Variants in SEC63 observed in about 807,000 individuals in gnomAD.
SEC63 encodes translocation protein SEC63 homolog.
SEC63 carries 56 observed loss-of-function variants against 116.2 expected under a neutral mutation model. The ratio of observed to expected loss-of-function variants is 0.48; its 90% confidence interval spans 0.39 to 0.60. The LOEUF is 0.60. Among genes scored for constraint, SEC63 ranks in the 20% least tolerant of loss-of-function variants. The pLI is 0.00. For synonymous variants in SEC63, 273 were observed against 294.6 expected, an observed-to-expected ratio of 0.93 and a Z score of 0.75; for missense variants, 668 against 900.0, an observed-to-expected ratio of 0.74 and a Z score of 3.30.
At position 107,921,880 on chromosome 6, in the gene SEC63, T is replaced by C. The variant is rs1251274774; in HGVS notation, c.369A>G (p.Gln123=). 3.1e-6 allele frequency: 5 copies of C among 1,611,100 alleles called. No individual in the cohort carries two copies. The highest frequency in any genetic ancestry group is 2.7e-5 in the African/African-American group (2 of 74,288). ...PGATVAEIKK[Q]YRLLSLKYHP... The stretch of plus-strand genomic sequence containing the variant: ...GATATTTAAGTGACAGCAAACGATA[T>C]TGTTTTTTAATTTCTGCTACTGTGG... Residue 123 remains glutamine, a synonymous_variant, in exon 4 of 21, where the codon CAA becomes CAG. Coordinates refer to ENST00000369002, the MANE Select transcript of SEC63 (RefSeq NM_007214.5).
intron 16 of SEC63, among the ~76,000 whole-genome samples, chr6:107,886,915 T>C (rs1296331905): frequency 1.3e-5 from 2 of 152,178 alleles, no homozygotes; most frequent in South Asian, 2.1e-4. Context: ...ATTTTGGCTT[T>C]TGTTGCCATT....
chr6:107,908,110 A>C (rs1263175590), intron 8 of SEC63, among the ~76,000 whole-genome samples: 1 of 152,234 alleles, frequency 6.6e-6, no homozygotes, highest in Non-Finnish European at 1.5e-5. Context: ...AGTCTCTCTC[A>C]TTACTAAGAA....
intron 16 of SEC63, among the ~76,000 whole-genome samples, chr6:107,891,001 A>AT (rs1786667931): frequency 6.6e-6 from 1 of 151,748 alleles, no homozygotes; most frequent in Non-Finnish European, 1.5e-5. Context: ...TCCCTTTAAC[A>AT]TTTTTTCCTT....
chr6:107,916,664 A>G (rs1787406877), intron 4 of SEC63, among the ~76,000 whole-genome samples: 1 of 152,176 alleles, frequency 6.6e-6, no homozygotes, highest in African/African-American at 2.4e-5. Flanking sequence ...TCCCTCTCTC[A>G]CATTTTGGTA....
intron 19 of SEC63, among the ~76,000 whole-genome samples, chr6:107,876,337 G>A (rs1238062726): frequency 2.6e-5 from 4 of 152,114 alleles, no homozygotes; most frequent in African/African-American, 9.7e-5. Context: ...CCCAAAACAA[G>A]CTGAGAACAA....
At chr6:107,936,306 A>G (rs905678535) in intron 1 of SEC63, among the ~76,000 whole-genome samples, 1 of 152,236 alleles carries the variant, frequency 6.6e-6, no homozygotes, top group African/African-American at 2.4e-5. Flanking sequence ...GCCACAGTTT[A>G]CACATTAACA....
intron 2 of SEC63, 44 bp downstream of exon 2, chr6:107,929,371 G>A (rs746646864): frequency 2.1e-6 from 2 of 969,524 alleles, no homozygotes; most frequent in African/African-American, 1.6e-5. Flanking sequence ...ACCTAGCAAA[G>A]AGTAAGCATT....
chr6:107,891,287 C>T (rs1562317932), intron 16 of SEC63, among the ~76,000 whole-genome samples: 1 of 151,912 alleles, frequency 6.6e-6, no homozygotes, highest in Non-Finnish European at 1.5e-5. Context: ...TTTCTCTAAT[C>T]TTGTTTTCTC....
intron 1 of SEC63, among the ~76,000 whole-genome samples, chr6:107,950,208 A>C (rs539064413): frequency 6.6e-6 from 1 of 152,344 alleles, no homozygotes; most frequent in Admixed American, 6.5e-5. Flanking sequence ...TATTAGTAAG[A>C]GGTTCAATAC....
chr6:107,929,744 G>A (rs1787757349), intron 1 of SEC63, among the ~76,000 whole-genome samples: 2 of 152,112 alleles, frequency 1.3e-5, no homozygotes, highest in South Asian at 4.1e-4. Context: ...TGACCATTTT[G>A]GAAATGAGAC....
At chr6:107,948,416 C>T (rs9486753) in intron 1 of SEC63, among the ~76,000 whole-genome samples, 1 of 152,264 alleles carries the variant, frequency 6.6e-6, no homozygotes, top group African/African-American at 2.4e-5. Flanking sequence ...ATGAATCTAG[C>T]TCAAAGTGCT....
intron 4 of SEC63, among the ~76,000 whole-genome samples, chr6:107,917,180 A>T (rs1277886036): frequency 6.6e-6 from 1 of 152,244 alleles, no homozygotes; most frequent in Non-Finnish European, 1.5e-5. Flanking sequence ...GCAGTTAACT[A>T]GCCCAACCTA....
chr6:107,906,051 G>A (rs1276527771), intron 10 of SEC63, among the ~76,000 whole-genome samples: 1 of 152,172 alleles, frequency 6.6e-6, no homozygotes, highest in Non-Finnish European at 1.5e-5. Flanking sequence ...TGGAGGTGGG[G>A]CCTGGTGGAA....
intron 19 of SEC63, among the ~76,000 whole-genome samples, chr6:107,873,958 A>C (rs1392846337): frequency 1.3e-5 from 2 of 152,232 alleles, no homozygotes; most frequent in African/African-American, 4.8e-5. Context: ...GATTCAGAAA[A>C]GAATCATCAA....
chr6:107,882,560 C>T (rs1347765583), intron 17 of SEC63, among the ~76,000 whole-genome samples: 3 of 152,272 alleles, frequency 2.0e-5, no homozygotes, highest in Non-Finnish European at 2.9e-5. Flanking sequence ...AACCTCTTGA[C>T]ATCAGGGTCC....
At chr6:107,899,902 A>T (rs1436739975) in intron 13 of SEC63, among the ~76,000 whole-genome samples, 1 of 152,008 alleles carries the variant, frequency 6.6e-6, no homozygotes, top group East Asian at 1.9e-4. Context: ...GGCAACCCCA[A>T]CTCCTCACCA....
At position 107,902,953 on chromosome 6, in the gene SEC63, A is replaced by G; in HGVS notation, c.1100T>C (p.Met367Thr). The G allele has an allele frequency of 1.9e-6, 3 of 1,614,098 alleles. No homozygotes were observed. Among genetic ancestry groups the G allele is most frequent in the South Asian group, 1.1e-5 (1 of 91,088 alleles). The stretch of plus-strand genomic sequence containing the variant: ...CTGAACGGCCATCTGAGAAAGCTTC[A>G]TGCAGTTTTCTAGGGATGCCAAAGT... ...APTLASLENC[M>T]KLSQMAVQGL... The change falls in exon 12 of 21, where the codon ATG becomes ACG. Residue 367 changes from methionine (M) to threonine (T), a missense_variant. Met to Thr is a moderately conservative substitution (Grantham distance 81). This residue lies in a region of SEC63 where 430 missense variants were observed against 557.5 expected (regional missense o/e 0.77). Transcript: ENST00000369002.
At chr6:107,909,770 T>C (rs1787233950) in intron 7 of SEC63, among the ~76,000 whole-genome samples, 1 of 152,224 alleles carries the variant, frequency 6.6e-6, no homozygotes. Flanking sequence ...TTACTTAATA[T>C]GATTGGATTC....
intron 7 of SEC63, among the ~76,000 whole-genome samples, chr6:107,910,079 A>G (rs750640710): frequency 6.0e-4 from 92 of 152,202 alleles, no homozygotes; most frequent in Non-Finnish European, 1.1e-3. Context: ...ATAGAAAAAG[A>G]TTTTAAAGAA....
Sources: gnomAD v4.1 joint callset for allele counts (sites outside exome capture counted in the v4.1 genomes callset) on GRCh38, gnomAD v4.1.1 for gene constraint, gnomAD v4.1.1 regional missense constraint, MANE v1.5 for transcripts, NCBI Gene and HGNC (gene_info 2026-07-23, HGNC 2026-07-21) for gene names.